GYS1: variants seen among roughly 807,000 people sequenced by gnomAD.
The protein encoded by GYS1 is glycogen [starch] synthase, muscle.
Under a neutral mutation model 89.1 loss-of-function variants are expected in GYS1, and 60 were observed. That is an observed-to-expected ratio of 0.67 (90% CI 0.55 to 0.84). The LOEUF (loss-of-function observed/expected upper bound fraction) is 0.84. Among genes scored for constraint, GYS1 ranks in the 40% least tolerant of loss-of-function variants. The pLI is 0.00. For missense variants in GYS1, 888 were observed against 1,003.1 expected, an observed-to-expected ratio of 0.89 and a Z score of 1.55; for synonymous variants, 366 against 401.7, an observed-to-expected ratio of 0.91 and a Z score of 1.06.
chr19:48,970,754 C>G, intron 13 of GYS1, 45 bp from the exon 14 acceptor site: 1 of 1,586,858 alleles, frequency 6.3e-7, no homozygotes, highest in Non-Finnish European at 8.6e-7. Flanking sequence ...CTGGGGAGAT[C>G]TTCATGGTCT....
At chr19:48,977,846 G>A in intron 10 of GYS1, 78 bp downstream of exon 10, 1 of 1,032,266 alleles carries the variant, frequency 9.7e-7, no homozygotes, top group East Asian at 2.4e-5. Context: ...GCAATCTCTG[G>A]GGTCTGAGCT....
chr19:48,989,999 G>GGC (rs1555800114), intron 2 of GYS1, among the ~76,000 whole-genome samples: 7 of 20,826 alleles, frequency 3.4e-4, no homozygotes, highest in Non-Finnish European at 6.1e-4. Context: ...CCCTTTTGCT[G>GGC]GGGGGGGGGG....
At position 48,985,493 on chromosome 19, in the gene GYS1, A is replaced by G; in HGVS notation, c.791T>C (p.Ile264Thr). 1 of 1,613,962 alleles carries G rather than the reference A, an allele frequency of 6.2e-7. No homozygotes were observed. The highest frequency in any genetic ancestry group is 8.5e-7 in the Non-Finnish European group (1 of 1,180,020). ...VFTTVSQITA[I>T]EAQHLLKRKP... ...CCTCTTGAGCAAGTGCTGTGCCTCG[A>G]TGGCGGTGATCTGGGACACAGTAGT... is the stretch of plus-strand genomic sequence containing the variant. Residue 264 changes from isoleucine to threonine, a missense_variant, in exon 5 of 16, where the codon ATC (isoleucine) becomes ACC (threonine). Ile to Thr is a moderately conservative substitution (Grantham distance 89). Coordinates refer to ENST00000323798, the MANE Select transcript of GYS1 (RefSeq NM_002103.5).
At position 48,987,202 on chromosome 19, in the gene GYS1, G is replaced by C; in HGVS notation, c.484C>G (p.Leu162Val). The change falls in exon 3 of 16, where the codon CTG (leucine) becomes GTG (valine). Residue 162 changes from leucine to valine, a missense_variant. Physicochemically the swap from Leu to Val is conservative, Grantham distance 32. Coordinates refer to ENST00000323798, the MANE Select transcript of GYS1 (RefSeq NM_002103.5). ...VLFGFLTTWF[L>V]GEFLAQSEEK... ...TGTCAGACGGGGCCTACCTCACCCAGGAACCAGGTGGTCAGAAAGCCAAAG... is the reference window on the plus strand; with the variant it reads ...TGTCAGACGGGGCCTACCTCACCCACGAACCAGGTGGTCAGAAAGCCAAAG... 6.2e-7 allele frequency: 1 copy of C among 1,611,598 alleles called. No individual in the cohort carries two copies. The highest frequency in any genetic ancestry group is 8.5e-7 in the Non-Finnish European group (1 of 1,177,982).
intron 5 of GYS1, among the ~76,000 whole-genome samples, chr19:48,983,062 T>C (rs2038791624): frequency 6.6e-6 from 1 of 152,072 alleles, no homozygotes; most frequent in African/African-American, 2.4e-5. Flanking sequence ...TCACAGCTCA[T>C]TGCATCCCTG....
chr19:48,974,589 G>T, intron 11 of GYS1, 31 bp downstream of exon 11: 1 of 1,468,190 alleles, frequency 6.8e-7, no homozygotes, highest in Non-Finnish European at 9.5e-7. Flanking sequence ...CCTCTGCCGT[G>T]CCCAACCCAG....
intron 5 of GYS1, among the ~76,000 whole-genome samples, chr19:48,983,491 T>A (rs563033090): frequency 6.6e-6 from 1 of 152,298 alleles, no homozygotes. Flanking sequence ...TGATTAAACA[T>A]CCCCAAAGTC....
At chr19:48,987,777 C>T (rs1475006575) in intron 2 of GYS1, among the ~76,000 whole-genome samples, 3 of 151,808 alleles carry the variant, frequency 2.0e-5, no homozygotes, top group Non-Finnish European at 4.4e-5. Context: ...GCTGGGATTA[C>T]AGGCACCCGC....
At chr19:48,978,692 C>T (rs974799300) in intron 8 of GYS1, among the ~76,000 whole-genome samples, 2 of 151,976 alleles carry the variant, frequency 1.3e-5, no homozygotes, top group East Asian at 1.9e-4. Flanking sequence ...CCACCATGCC[C>T]GGCTAATTTT....
chr19:48,985,394 G>A, intron 5 of GYS1, 67 bp downstream of exon 5: 3 of 1,526,016 alleles, frequency 2.0e-6, no homozygotes, highest in Non-Finnish European at 2.7e-6. Context: ...GGGCTGAGGA[G>A]CAACTGGCTT....
intron 12 of GYS1, 138 bp from the exon 13 acceptor site, chr19:48,971,161 A>G: frequency 1.4e-6 from 1 of 718,250 alleles, no homozygotes; most frequent in Non-Finnish European, 2.6e-6. Flanking sequence ...CTGAGCCCCC[A>G]CAACCAGGCT....
chr19:48,975,751 C>A (rs1440643543), intron 10 of GYS1, among the ~76,000 whole-genome samples: 1 of 151,536 alleles, frequency 6.6e-6, no homozygotes, highest in Admixed American at 6.6e-5. Flanking sequence ...CACGGTGAAA[C>A]CCCGTCTCTA....
intron 10 of GYS1, among the ~76,000 whole-genome samples, chr19:48,975,709 C>T (rs948987451): frequency 6.6e-6 from 1 of 151,584 alleles, no homozygotes; most frequent in Non-Finnish European, 1.5e-5. Flanking sequence ...AGGAGGATGA[C>T]GAGGTCAGGA....
chr19:48,980,885 C>T (rs1339039641), intron 8 of GYS1, among the ~76,000 whole-genome samples: 1 of 151,138 alleles, frequency 6.6e-6, no homozygotes, highest in East Asian at 2.0e-4. Context: ...GAGGCTGAGG[C>T]AGGCGGAACA....
chr19:48,972,333 CAA>C (rs779421115), intron 12 of GYS1, among the ~76,000 whole-genome samples: 6 of 130,516 alleles, frequency 4.6e-5, no homozygotes, highest in Admixed American at 7.8e-5. Flanking sequence ...GACTCTGTCT[CAA>C]AAAAAAAAAA....
chr19:48,981,740 G>A (rs1047503395), intron 7 of GYS1, 104 bp from the exon 8 acceptor site: 1 of 748,284 alleles, frequency 1.3e-6, no homozygotes, highest in African/African-American at 1.7e-5. Context: ...ACCCATTCCT[G>A]TCAAGGAGAA....
chr19:48,970,827 G>A (rs1462917585), intron 13 of GYS1, 101 bp downstream of exon 13: 2 of 1,376,532 alleles, frequency 1.5e-6, no homozygotes, highest in African/African-American at 2.8e-5. Context: ...CCCATTTCCT[G>A]GTGCCCCTGG....
intron 5 of GYS1, among the ~76,000 whole-genome samples, 189 bp from the exon 6 acceptor site, chr19:48,983,026 G>A (rs375626466): frequency 5.3e-5 from 8 of 152,070 alleles, no homozygotes; most frequent in African/African-American, 1.4e-4. Flanking sequence ...TCTCTCTGTC[G>A]CTCAGGCTGG....
At position 48,981,613 on chromosome 19, in the gene GYS1, C is replaced by G. The variant is rs756505473; in HGVS notation, c.1086G>C (p.Val362=). Residue 362 remains valine (V), a synonymous_variant, in exon 8 of 16, where the codon GTG becomes GTC. Coordinates refer to ENST00000323798, the MANE Select transcript of GYS1 (RefSeq NM_002103.5). The stretch of plus-strand genomic sequence containing the variant: ...GCGCTGGCATGATGAAGAAGGCAAC[C>G]ACTGTCTGCTCGCTGCCGTTCACCT... ...LLRVNGSEQT[V]VAFFIMPART... The G allele has an allele frequency of 1.2e-6, 2 of 1,612,618 alleles. No homozygotes were observed. The highest frequency in any genetic ancestry group is 1.7e-6 in the Non-Finnish European group (2 of 1,178,598).
Sources: allele counts gnomAD v4.1 joint callset (sites outside exome capture counted in the v4.1 genomes callset), GRCh38; gene constraint gnomAD v4.1.1; transcripts MANE v1.5; gene names NCBI Gene and HGNC (gene_info 2026-07-23, HGNC 2026-07-21).